Variants in USP6NL observed in about 807,000 individuals in gnomAD.
USP6NL encodes USP6 N-terminal like.
Under a neutral mutation model 61.9 loss-of-function variants are expected in USP6NL, and 26 were observed. The observed-to-expected ratio is 0.42, with a 90% CI of 0.31 to 0.58. The LOEUF is 0.58. Ranked by LOEUF, USP6NL falls within the 20% of genes least tolerant of loss-of-function variation. The pLI is 0.16. For missense variants in USP6NL, 1,114 were observed against 1,034.3 expected, an observed-to-expected ratio of 1.08 and a Z score of -1.06; for synonymous variants, 432 against 390.1, an observed-to-expected ratio of 1.11 and a Z score of -1.27.
At chr10:11,535,623 C>CT (rs1407140058) in intron 2 of USP6NL, among the ~76,000 whole-genome samples, 1 of 152,194 alleles carries the variant, frequency 6.6e-6, no homozygotes, top group Non-Finnish European at 1.5e-5. Context: ...CTGCTTCATG[C>CT]TTCAGTTCCT....
At chr10:11,531,724 G>A (rs1296693792) in intron 2 of USP6NL, among the ~76,000 whole-genome samples, 2 of 150,682 alleles carry the variant, frequency 1.3e-5, no homozygotes, top group Non-Finnish European at 3.0e-5. Flanking sequence ...TTATTTTTAT[G>A]ATTTTTTTTA....
In USP6NL at chr10:11,585,728, C is replaced by G. The variant is rs1052142002; in HGVS notation, c.4+11903G>C. On this transcript the variant is annotated intron_variant, in intron 2 of 14. Transcript: ENST00000609104. The surrounding 1 kb of genome is among the most constrained non-coding windows in gnomAD (Gnocchi z 4.5). ...AAGGTGGAAGCAACCCAAGTGTCCA[C>G]TGACAGAAGAATGGATAAACAAAAT... 2.6e-5 allele frequency among the ~76,000 whole-genome samples: 4 copies of G among 152,072 alleles called. No individual in the cohort carries two copies. Among genetic ancestry groups the G allele is most frequent in the African/African-American group, 4.8e-5 (2 of 41,406 alleles).
chr10:11,567,355 G>C (rs1837199888), intron 2 of USP6NL, among the ~76,000 whole-genome samples: 1 of 152,016 alleles, frequency 6.6e-6, no homozygotes, highest in South Asian at 2.1e-4. Context: ...AATACACTGG[G>C]CCAACGAGCT....
Position 11,493,184 on chromosome 10 carries a change from TTGTC to T in USP6NL, c.425_428del (p.Arg142LysfsTer2). On this transcript the variant is annotated frameshift_variant, in exon 8 of 15. Transcript: ENST00000609104. LOFTEE classifies it high-confidence loss of function. ...ATGTGCGGTTGACATCCAGGTCTAT[TTGTC>T]TGATGTCAGGTGAACAGCCCCGTGC... The T allele has an allele frequency of 6.2e-7, 1 of 1,612,622 alleles. No individual in the cohort carries two copies. The highest frequency in any genetic ancestry group is 8.5e-7 in the Non-Finnish European group (1 of 1,179,260).
At position 11,592,275 on chromosome 10, in the gene USP6NL, T is replaced by C. The variant is rs1838180220; in HGVS notation, c.4+5356A>G. Among the ~76,000 whole-genome samples the C allele has an allele frequency of 6.6e-6, 1 of 152,190 alleles. No homozygotes were observed. Among genetic ancestry groups the C allele is most frequent in the African/African-American group, 2.4e-5 (1 of 41,454 alleles). On this transcript the variant is annotated intron_variant, in intron 2 of 14. Coordinates refer to ENST00000609104, the MANE Select transcript of USP6NL (RefSeq NM_014688.5). The surrounding 1 kb of genome is among the most constrained non-coding windows in gnomAD (Gnocchi z 4.7). ...TAGTGTTAATAACAACGAAGTACAC[T>C]AAACTAAGAAAGTAATCACACAAAT...
Position 11,518,507 on chromosome 10 carries a change from CTG to C in USP6NL, c.195+26_195+27del. ...TCTAATAAAGGCAATTCACCAGTAA[CTG>C]TAAATACATCAAGAGCAGGACTTAC... On this transcript the variant is annotated intron_variant, in intron 5 of 14. Transcript: ENST00000609104. This position sits in a 1 kb window ranked among gnomAD's most constrained non-coding sequence, Gnocchi z 5.3. 6.2e-7 allele frequency: 1 copy of C among 1,604,432 alleles called. No homozygotes were observed. The highest frequency in any genetic ancestry group is 8.5e-7 in the Non-Finnish European group (1 of 1,173,272).
chr10:11,494,693 G>C (rs1248556581), intron 7 of USP6NL, among the ~76,000 whole-genome samples: 1 of 152,144 alleles, frequency 6.6e-6, no homozygotes, highest in African/African-American at 2.4e-5. Flanking sequence ...CGTGTCAACT[G>C]GACAGGGGGC....
chr10:11,593,840 T>C (rs1398963103), intron 2 of USP6NL, among the ~76,000 whole-genome samples: 1 of 152,218 alleles, frequency 6.6e-6, no homozygotes, highest in African/African-American at 2.4e-5. Flanking sequence ...CTCTAAGCTC[T>C]AAACAGCTTC....
rs1004946223 is a variant in USP6NL at position 11,468,296 on chromosome 10, T to C, written c.1079-4447A>G. Among the ~76,000 whole-genome samples, 2 of 152,228 alleles carry C rather than the reference T, an allele frequency of 1.3e-5. No individual in the cohort carries two copies. The highest frequency in any genetic ancestry group is 4.8e-5 in the African/African-American group (2 of 41,460). On this transcript the variant is annotated intron_variant, in intron 14 of 14. Transcript: ENST00000609104. This position sits in a 1 kb window ranked among gnomAD's most constrained non-coding sequence, Gnocchi z 4.5. ...GGCTCCACATCCTTTCCCAGATGAC[T>C]GTCAATCACAGTTCACTCAGTCGAA...
intron 2 of USP6NL, among the ~76,000 whole-genome samples, chr10:11,549,131 G>A (rs1203497908): frequency 6.6e-6 from 1 of 152,058 alleles, no homozygotes; most frequent in Non-Finnish European, 1.5e-5. Flanking sequence ...TAAGACAACA[G>A]CTCATCTAAT....
intron 13 of USP6NL, among the ~76,000 whole-genome samples, chr10:11,484,561 C>T (rs576293088): frequency 7.6e-4 from 115 of 152,230 alleles, no homozygotes; most frequent in African/African-American, 2.7e-3. Context: ...TAATAGAAAA[C>T]GTTCTCTCCA....
At position 11,520,052 on chromosome 10, in the gene USP6NL, C is replaced by G. The variant is rs181224348; in HGVS notation, c.156-1478G>C. Among the ~76,000 whole-genome samples, 2 of 152,216 alleles carry G rather than the reference C, an allele frequency of 1.3e-5. No individual in the cohort carries two copies. The highest frequency in any genetic ancestry group is 4.8e-5 in the African/African-American group (2 of 41,552). On this transcript the variant is annotated intron_variant, in intron 4 of 14. Coordinates refer to ENST00000609104, the MANE Select transcript of USP6NL (RefSeq NM_014688.5). The surrounding 1 kb of genome is among the most constrained non-coding windows in gnomAD (Gnocchi z 5.2). ...AAAACTAACACAAAAGAATAACCGC[C>G]AAAAGAGATCTTAGAGTCCAAATCT...
At position 11,562,148 on chromosome 10, in the gene USP6NL, C is replaced by T. The variant is rs1178075306; in HGVS notation, c.5-34581G>A. Among the ~76,000 whole-genome samples the T allele has an allele frequency of 1.3e-5, 2 of 152,032 alleles. No individual in the cohort carries two copies. The highest frequency in any genetic ancestry group is 2.9e-5 in the Non-Finnish European group (2 of 68,018). On this transcript the variant is annotated intron_variant, in intron 2 of 14. Coordinates refer to ENST00000609104, the MANE Select transcript of USP6NL (RefSeq NM_014688.5). The surrounding 1 kb of genome is among the most constrained non-coding windows in gnomAD (Gnocchi z 4.8). ...ACAAAAAATTAGCTGGATGTGGTGG[C>T]TGGCGCCTGTAATCCCAGCTACTTG...
At chr10:11,541,370 G>A (rs1375828170) in intron 2 of USP6NL, among the ~76,000 whole-genome samples, 1 of 149,002 alleles carries the variant, frequency 6.7e-6, no homozygotes, top group Non-Finnish European at 1.5e-5. Flanking sequence ...CAATCCAAAT[G>A]CTTTATGTAT....
intron 1 of USP6NL, among the ~76,000 whole-genome samples, chr10:11,605,589 ACTGCAT>A (rs1363776798): frequency 6.6e-6 from 1 of 152,234 alleles, no homozygotes; most frequent in Admixed American, 6.5e-5. Context: ...TACTATGCTT[ACTGCAT>A]CCACAGAAAT....
chr10:11,578,144 T>A (rs936020658), intron 2 of USP6NL, among the ~76,000 whole-genome samples: 5 of 152,032 alleles, frequency 3.3e-5, no homozygotes, highest in Admixed American at 2.0e-4. Flanking sequence ...ATTTTTTATA[T>A]TCTTTATGGA....
intron 3 of USP6NL, among the ~76,000 whole-genome samples, chr10:11,527,249 G>C (rs974218054): frequency 6.6e-6 from 1 of 152,178 alleles, no homozygotes; most frequent in African/African-American, 2.4e-5. Context: ...AAGTGTCCCA[G>C]GTAGAGGAAA....
intron 13 of USP6NL, 24 bp downstream of exon 13, chr10:11,484,947 T>TA (rs1429463618): frequency 6.7e-7 from 1 of 1,486,608 alleles, no homozygotes; most frequent in East Asian, 2.5e-5. Context: ...TAATGAAATT[T>TA]TAAGAGTTTA....
intron 5 of USP6NL, among the ~76,000 whole-genome samples, chr10:11,516,277 C>G (rs190772984): frequency 1.3e-5 from 2 of 152,114 alleles, no homozygotes; most frequent in South Asian, 4.1e-4. Context: ...TGTGATTACC[C>G]GACTATGCAC....
Sources: allele counts gnomAD v4.1 joint callset (sites outside exome capture counted in the v4.1 genomes callset), GRCh38; gene constraint gnomAD v4.1.1; non-coding constraint Gnocchi (gnomAD v3.1); transcripts MANE v1.5; gene names NCBI Gene and HGNC (gene_info 2026-07-23, HGNC 2026-07-21).